The following RASA3 variants were observed in gnomAD, a reference collection of about 807,000 sequenced individuals.
RASA3 encodes ras GTPase-activating protein 3.
In RASA3, 73 loss-of-function variants were observed where a neutral mutation model predicts 110.0. The observed-to-expected ratio is 0.66, with a 90% CI of 0.55 to 0.81. The LOEUF (loss-of-function observed/expected upper bound fraction) is 0.81, where lower values mean the gene tolerates loss of function less well. Ranked by LOEUF, RASA3 falls within the 30% of genes least tolerant of loss-of-function variation. The probability of loss-of-function intolerance (pLI) is 0.00; values close to 1 mark genes in which losing one functional copy is unlikely to be tolerated. For synonymous variants in RASA3, 500 were observed against 451.4 expected, an observed-to-expected ratio of 1.11 and a Z score of -1.37; for missense variants, 976 against 1,113.2, an observed-to-expected ratio of 0.88 and a Z score of 1.75.
chr13:114,075,102 C>G (rs2079645971), intron 1 of RASA3, among the ~76,000 whole-genome samples: 1 of 151,966 alleles, frequency 6.6e-6, no homozygotes, highest in Non-Finnish European at 1.5e-5. Context: ...GGCACAGGCA[C>G]CACGCTGAGA....
chr13:114,080,578 C>T (rs573917209), intron 1 of RASA3, among the ~76,000 whole-genome samples: 22 of 152,146 alleles, frequency 1.4e-4, no homozygotes, highest in Non-Finnish European at 2.8e-4. Flanking sequence ...ACTTCCACCA[C>T]AGGGAGAATG....
chr13:114,024,434 G>T, intron 7 of RASA3, 79 bp from the exon 8 acceptor site: 1 of 1,317,732 alleles, frequency 7.6e-7, no homozygotes. Flanking sequence ...GCCCCGGGCT[G>T]CCCTACCCTC....
At chr13:114,129,454 G>C (rs991489659) in intron 1 of RASA3, among the ~76,000 whole-genome samples, 1 of 152,178 alleles carries the variant, frequency 6.6e-6, no homozygotes, top group African/African-American at 2.4e-5. Flanking sequence ...GAGGAAGGGG[G>C]AAAGGAGGAA....
intron 4 of RASA3, among the ~76,000 whole-genome samples, chr13:114,039,555 C>G (rs1594369236): frequency 6.6e-6 from 1 of 152,376 alleles, no homozygotes; most frequent in African/African-American, 2.4e-5. Flanking sequence ...TTGGGAAACC[C>G]TCCCACGTCC....
At chr13:114,062,684 C>A (rs1474248026) in intron 2 of RASA3, among the ~76,000 whole-genome samples, 1 of 152,064 alleles carries the variant, frequency 6.6e-6, no homozygotes, top group Non-Finnish European at 1.5e-5. Context: ...CGCATGCAGA[C>A]TCGGACACGC....
intron 23 of RASA3, among the ~76,000 whole-genome samples, chr13:113,980,032 G>A (rs887196223): frequency 1.1e-4 from 14 of 126,316 alleles, no homozygotes; most frequent in South Asian, 2.6e-4. Context: ...GTGCACCTGT[G>A]TGTGCACCTC....
At chr13:114,052,799 T>G (rs1255862181) in intron 2 of RASA3, among the ~76,000 whole-genome samples, 12 of 123,704 alleles carry the variant, frequency 9.7e-5, no homozygotes, top group African/African-American at 2.7e-4. Context: ...CTGACTGTAC[T>G]TAGAGTCCTC....
chr13:114,027,194 TC>T (rs1374432759), intron 7 of RASA3, among the ~76,000 whole-genome samples, 194 bp downstream of exon 7: 1 of 151,570 alleles, frequency 6.6e-6, no homozygotes, highest in Admixed American at 6.6e-5. Context: ...CTCGCTCCTC[TC>T]CGGAAGGAAC....
At chr13:114,070,357 A>G (rs2079550581) in intron 2 of RASA3, among the ~76,000 whole-genome samples, 1 of 152,080 alleles carries the variant, frequency 6.6e-6, no homozygotes, top group Admixed American at 6.5e-5. Context: ...CCTGCCTCTC[A>G]GGTGGATGTC....
chr13:114,131,949 GA>G (rs1238851461), intron 1 of RASA3, among the ~76,000 whole-genome samples: 5 of 152,162 alleles, frequency 3.3e-5, no homozygotes, highest in Admixed American at 6.5e-5. Context: ...CGCCCCTGGG[GA>G]GAAGCGTGAA....
intron 1 of RASA3, among the ~76,000 whole-genome samples, chr13:114,082,514 C>T (rs900564388): frequency 3.3e-5 from 5 of 152,360 alleles, no homozygotes; most frequent in African/African-American, 7.2e-5. Flanking sequence ...GGCTGCTCCC[C>T]GGGTGGACAC....
intron 3 of RASA3, among the ~76,000 whole-genome samples, chr13:114,043,151 A>G (rs531324011): frequency 6.6e-6 from 1 of 152,262 alleles, no homozygotes. Flanking sequence ...GGTCTGAGAC[A>G]CGCCCAGCTC....
At chr13:113,984,085 C>A (rs985420850) in intron 22 of RASA3, among the ~76,000 whole-genome samples, 2 of 73,366 alleles carry the variant, frequency 2.7e-5, no homozygotes, top group Non-Finnish European at 7.1e-5. Flanking sequence ...ATCCCTCCAC[C>A]CATCACTCAC....
chr13:114,130,991 G>A (rs1475968918), intron 1 of RASA3, among the ~76,000 whole-genome samples: 2 of 152,258 alleles, frequency 1.3e-5, no homozygotes, highest in Admixed American at 6.5e-5. Context: ...TTCAGGGAGC[G>A]CCAGCTCTGG....
At chr13:114,017,491 G>A in intron 11 of RASA3, 140 bp from the exon 12 acceptor site, 1 of 705,682 alleles carries the variant, frequency 1.4e-6, no homozygotes. Flanking sequence ...ATTTTACAAG[G>A]AGCACAACCA....
At chr13:114,009,289 G>T in intron 17 of RASA3, 98 bp downstream of exon 17, 2 of 1,001,920 alleles carry the variant, frequency 2.0e-6, no homozygotes, top group Non-Finnish European at 1.6e-6. Flanking sequence ...ATCGCTAATG[G>T]CCAAGTCTGT....
chr13:114,088,738 C>T (rs1345828056), intron 1 of RASA3, among the ~76,000 whole-genome samples: 1 of 152,138 alleles, frequency 6.6e-6, no homozygotes. Flanking sequence ...CTATTAGAGA[C>T]AAGGTTTCTC....
intron 1 of RASA3, among the ~76,000 whole-genome samples, chr13:114,106,236 G>A (rs138511058): frequency 1.0e-3 from 159 of 152,192 alleles, no homozygotes; most frequent in Middle Eastern, 0.01. Context: ...ATATGTGTGC[G>A]CGCACCGTAT....
At chr13:114,095,773 T>C (rs1417193465) in intron 1 of RASA3, among the ~76,000 whole-genome samples, 1 of 152,162 alleles carries the variant, frequency 6.6e-6, no homozygotes, top group Non-Finnish European at 1.5e-5. Context: ...GGCCTCAGTT[T>C]CCCCATCTGT....
Sources: gnomAD v4.1 joint callset for allele counts (sites outside exome capture counted in the v4.1 genomes callset) on GRCh38, gnomAD v4.1.1 for gene constraint, MANE v1.5 for transcripts, NCBI Gene and HGNC (gene_info 2026-07-23, HGNC 2026-07-21) for gene names.